The following NAPEPLD variants were observed in gnomAD, a reference collection of about 807,000 sequenced individuals.
NAPEPLD encodes N-acyl-phosphatidylethanolamine-hydrolyzing phospholipase D.
NAPEPLD carries 23 observed loss-of-function variants against 38.1 expected under a neutral mutation model. That is an observed-to-expected ratio of 0.60 (90% CI 0.43 to 0.86). NAPEPLD has a LOEUF of 0.86. NAPEPLD is among the 40% of genes least tolerant of loss of function. NAPEPLD has a pLI of 0.00. For missense variants in NAPEPLD, 411 were observed against 476.8 expected, an observed-to-expected ratio of 0.86 and a Z score of 1.28; for synonymous variants, 147 against 162.0, an observed-to-expected ratio of 0.91 and a Z score of 0.71.
At chr7:103,148,551 A>G (rs530259893) in intron 1 of NAPEPLD, among the ~76,000 whole-genome samples, 1 of 151,912 alleles carries the variant, frequency 6.6e-6, no homozygotes, top group Admixed American at 6.5e-5. Flanking sequence ...TACCCAATTT[A>G]TAAGAAGCAA....
intron 4 of NAPEPLD, among the ~76,000 whole-genome samples, 195 bp from the exon 5 acceptor site, chr7:103,103,749 TTTGG>T (rs1159356970): frequency 6.6e-6 from 1 of 152,220 alleles, no homozygotes; most frequent in Non-Finnish European, 1.5e-5. Flanking sequence ...TCAACAGGTA[TTTGG>T]TTGGATAGAA....
chr7:103,106,728 TA>T (rs35671646), intron 4 of NAPEPLD, among the ~76,000 whole-genome samples: 1 of 147,818 alleles, frequency 6.8e-6, no homozygotes, highest in African/African-American at 2.5e-5. Context: ...AGGGCATCTC[TA>T]AAAAAAAAAG....
intron 1 of NAPEPLD, among the ~76,000 whole-genome samples, chr7:103,134,577 G>T (rs1809645731): frequency 6.6e-6 from 1 of 152,124 alleles, no homozygotes; most frequent in Admixed American, 6.5e-5. Context: ...TTGAACCCTG[G>T]AGGCAGAGGT....
chr7:103,144,947 G>T (rs1812232393), intron 1 of NAPEPLD, among the ~76,000 whole-genome samples: 1 of 151,994 alleles, frequency 6.6e-6, no homozygotes, highest in African/African-American at 2.4e-5. Flanking sequence ...GAAGGTGGAG[G>T]TTGCAGTAGG....
intron 1 of NAPEPLD, among the ~76,000 whole-genome samples, chr7:103,136,159 C>T (rs553350859): frequency 2.9e-4 from 44 of 151,434 alleles, no homozygotes; most frequent in Admixed American, 2.4e-3. Context: ...CCCAGCTACT[C>T]GGGAGGTTGA....
At chr7:103,148,766 TGTC>T in intron 1 of NAPEPLD, 42 bp downstream of exon 1, 1 of 972,058 alleles carries the variant, frequency 1.0e-6, no homozygotes, top group African/African-American at 1.8e-5. Flanking sequence ...CGGAGGAAGT[TGTC>T]GACCCATTCA....
At chr7:103,147,412 T>C (rs1812786129) in intron 1 of NAPEPLD, among the ~76,000 whole-genome samples, 1 of 152,268 alleles carries the variant, frequency 6.6e-6, no homozygotes, top group Non-Finnish European at 1.5e-5. Context: ...GCTATAGCTA[T>C]ATTCTTATTT....
chr7:103,149,166 A>C (rs1813228264), upstream of NAPEPLD: 5 of 991,146 alleles, frequency 5.0e-6, no homozygotes, highest in Non-Finnish European at 4.8e-6. Context: ...AGGCGGGAGA[A>C]AACCGCCTCC....
At chr7:103,106,635 G>A (rs2129526618) in intron 4 of NAPEPLD, among the ~76,000 whole-genome samples, 1 of 152,042 alleles carries the variant, frequency 6.6e-6, no homozygotes, top group Admixed American at 6.5e-5. Context: ...AAGCCACTGG[G>A]AAGTTCAAAG....
intron 1 of NAPEPLD, among the ~76,000 whole-genome samples, chr7:103,135,743 C>CTATATA (rs10558828): frequency 6.7e-6 from 1 of 150,014 alleles, no homozygotes; most frequent in African/African-American, 2.4e-5. Flanking sequence ...ACATATAAAT[C>CTATATA]TATATATATA....
Position 103,103,303 on chromosome 7 carries a change from CAT to C in NAPEPLD, c.*124_*125del. On this transcript the variant is annotated 3_prime_UTR_variant, in exon 5 of 5. Coordinates refer to ENST00000465647, the MANE Select transcript of NAPEPLD (RefSeq NM_001122838.3). The stretch of plus-strand genomic sequence containing the variant: ...GCAAGTTATTACACAAAACATAAAA[CAT>C]AAACTTGCAGAAGTTGTTTCCAAAT... 8.5e-7 allele frequency: 1 copy of C among 1,176,248 alleles called. No homozygotes were observed. The highest frequency in any genetic ancestry group is 1.2e-6 in the Non-Finnish European group (1 of 846,240). The allele number at this position is 1,176,248 out of a possible 1,614,324, so 72.9% of individuals were successfully genotyped here. A position where few individuals can be genotyped will look rare whatever the true frequency, so the allele number is the denominator to read the frequency against.
intron 1 of NAPEPLD, among the ~76,000 whole-genome samples, chr7:103,137,832 A>AG (rs1563369034): frequency 2.1e-5 from 3 of 143,636 alleles, no homozygotes; most frequent in Non-Finnish European, 3.0e-5. Context: ...AAAAAAAAAA[A>AG]AAAAGAAAAA....
intron 2 of NAPEPLD, among the ~76,000 whole-genome samples, chr7:103,120,647 C>T (rs1037060900): frequency 6.9e-6 from 1 of 143,906 alleles, no homozygotes; most frequent in Non-Finnish European, 1.5e-5. Flanking sequence ...AAGCTTATGA[C>T]CATTTATTTG....
In NAPEPLD at chr7:103,119,720, T is replaced by C. The variant is rs35712442; in HGVS notation, c.798A>G (p.Leu266=). The change falls in exon 3 of 5, where the codon CTA becomes CTG. Residue 266 remains leucine (L), a synonymous_variant. Transcript: ENST00000465647. ...KRTLMDDNKV[L]WGSWSVLGPW... is the part of the protein sequence containing the mutation. ...GCCCCAAGACAGACCAGCTGCCCCATAGCACCTTGTTGTCATCCATTAGAG... is the reference window on the plus strand; with the variant it reads ...GCCCCAAGACAGACCAGCTGCCCCACAGCACCTTGTTGTCATCCATTAGAG... The C allele has an allele frequency of 1.3e-3, 2,132 of 1,614,154 alleles. 44 individuals carry two copies. The African/African-American group carries it at 0.024, about 18-fold the overall frequency.
At chr7:103,149,125 A>T, upstream of NAPEPLD, 1 of 986,808 alleles carries the variant, frequency 1.0e-6, no homozygotes, top group Non-Finnish European at 1.2e-6. Flanking sequence ...GAGACCGTGG[A>T]GGAGGCAGCA....
intron 1 of NAPEPLD, among the ~76,000 whole-genome samples, chr7:103,138,393 A>C (rs1012865193): frequency 6.6e-6 from 1 of 152,218 alleles, no homozygotes; most frequent in Non-Finnish European, 1.5e-5. Flanking sequence ...CAGGACAGAG[A>C]AAGAGGGAAA....
intron 3 of NAPEPLD, 39 bp from the exon 4 acceptor site, chr7:103,115,213 G>A: frequency 7.1e-7 from 1 of 1,410,006 alleles, no homozygotes; most frequent in Non-Finnish European, 1.0e-6. Flanking sequence ...TGACCTTTGA[G>A]ATATACACTA....
Position 103,128,591 on chromosome 7 carries a change from A to T in NAPEPLD, c.186T>A (p.Asp62Glu), listed in dbSNP as rs751919588. ...TTGGCCACGGATTCACAAATCTCCC[A>T]TCTTTTCCTTTCTTGGATTTAGTTA... is the stretch of plus-strand genomic sequence containing the variant. ...EDVTKSKKGK[D>E]GRFVNPWPTW... The change falls in exon 2 of 5, where the codon GAT (aspartate) becomes GAA (glutamate). Residue 62 changes from aspartate (D) to glutamate (E), a missense_variant. Coordinates refer to ENST00000465647, the MANE Select transcript of NAPEPLD (RefSeq NM_001122838.3). 6.2e-7 allele frequency: 1 copy of T among 1,614,200 alleles called. No homozygotes were observed. Among genetic ancestry groups the T allele is most frequent in the South Asian group, 1.1e-5 (1 of 91,084 alleles).
rs1806280076 is a variant in NAPEPLD at position 103,119,852 on chromosome 7, A to G, written c.666T>C (p.Cys222=). 1 of 1,614,184 alleles carries G rather than the reference A, an allele frequency of 6.2e-7. No homozygotes were observed. The highest frequency in any genetic ancestry group is 1.3e-5 in the African/African-American group (1 of 75,028). Residue 222 remains cysteine (C), a synonymous_variant, in exon 3 of 5, where the codon TGT becomes TGC. Coordinates refer to ENST00000465647, the MANE Select transcript of NAPEPLD (RefSeq NM_001122838.3). The part of the protein sequence containing the change: ...PLGLLDWMQK[C]GCENVIELDW... ...CCAACTCAATCACATTCTCACAGCCACATTTTTGCATCCAGTCAAGGAGAC... is the reference window on the plus strand; with the variant it reads ...CCAACTCAATCACATTCTCACAGCCGCATTTTTGCATCCAGTCAAGGAGAC...
Sources: allele counts gnomAD v4.1 joint callset (sites outside exome capture counted in the v4.1 genomes callset), GRCh38; gene constraint gnomAD v4.1.1; transcripts MANE v1.5; gene names NCBI Gene and HGNC (gene_info 2026-07-23, HGNC 2026-07-21).